The following NKAIN2 variants were observed in gnomAD, a reference collection of about 807,000 sequenced individuals.
NKAIN2 encodes sodium/potassium transporting ATPase interacting 2.
A neutral mutation model predicts 32.6 loss-of-function variants in NKAIN2; 14 were observed. That is an observed-to-expected ratio of 0.43 (90% confidence interval 0.28 to 0.67). The LOEUF (loss-of-function observed/expected upper bound fraction) is 0.67, where lower values mean the gene tolerates loss of function less well. Ranked by LOEUF, NKAIN2 falls within the 30% of genes least tolerant of loss-of-function variation. The pLI is 0.17. For synonymous variants in NKAIN2, 80 were observed against 87.2 expected (o/e 0.92, Z 0.46); for missense variants, 198 against 258.3 (o/e 0.77, Z 1.60).
intron 1 of NKAIN2, among the ~76,000 whole-genome samples, chr6:123,917,440 C>G (rs1018080731): frequency 3.3e-5 from 5 of 151,920 alleles, no homozygotes; most frequent in Non-Finnish European, 7.4e-5. Flanking sequence ...TACGTTTAGG[C>G]AAAAATGCTC....
intron 1 of NKAIN2, among the ~76,000 whole-genome samples, chr6:124,247,387 A>C (rs1458570727): frequency 6.6e-6 from 1 of 152,140 alleles, no homozygotes; most frequent in Admixed American, 6.6e-5. Context: ...TTTCACAAGA[A>C]ATGATAGTGA....
At chr6:124,376,541 A>C (rs942244598) in intron 3 of NKAIN2, among the ~76,000 whole-genome samples, 1 of 152,140 alleles carries the variant, frequency 6.6e-6, no homozygotes, top group African/African-American at 2.4e-5. Context: ...TCCCCAAGCA[A>C]ATTTAATTTG....
intron 4 of NKAIN2, among the ~76,000 whole-genome samples, chr6:124,680,689 AT>A (rs1773578501): frequency 6.6e-6 from 1 of 152,018 alleles, no homozygotes; most frequent in Non-Finnish European, 1.5e-5. Flanking sequence ...ACAGCCCAGG[AT>A]TTTTTCTTGC....
At chr6:124,133,061 A>G in intron 1 of NKAIN2, among the ~76,000 whole-genome samples, 1 of 152,210 alleles carries the variant, frequency 6.6e-6, no homozygotes, top group East Asian at 1.9e-4. Context: ...CTCTACCCCA[A>G]TAGACCAGCT....
At chr6:124,055,390 C>T (rs1035526198) in intron 1 of NKAIN2, among the ~76,000 whole-genome samples, 8 of 152,064 alleles carry the variant, frequency 5.3e-5, no homozygotes, top group African/African-American at 1.7e-4. Flanking sequence ...TTATCATAGA[C>T]TGAAAAACTG....
intron 1 of NKAIN2, among the ~76,000 whole-genome samples, chr6:124,215,037 A>C (rs561312694): frequency 6.6e-6 from 1 of 152,194 alleles, no homozygotes; most frequent in African/African-American, 2.4e-5. Flanking sequence ...CAGAAAAGAG[A>C]AATAAATCAG....
At chr6:124,282,610 A>G (rs1795351100) in intron 1 of NKAIN2, among the ~76,000 whole-genome samples, 1 of 152,206 alleles carries the variant, frequency 6.6e-6, no homozygotes, top group Non-Finnish European at 1.5e-5. Context: ...CCTTTGTTCT[A>G]TTCTCAACTT....
At chr6:124,062,283 C>A (rs1044277380) in intron 1 of NKAIN2, among the ~76,000 whole-genome samples, 1 of 152,066 alleles carries the variant, frequency 6.6e-6, no homozygotes, top group Non-Finnish European at 1.5e-5. Flanking sequence ...GTTATATAAA[C>A]CCCCAGTATA....
intron 1 of NKAIN2, among the ~76,000 whole-genome samples, chr6:124,011,203 C>T (rs1780307403): frequency 6.6e-6 from 1 of 152,128 alleles, no homozygotes; most frequent in South Asian, 2.1e-4. Flanking sequence ...CCTTCTGACT[C>T]TCTGAGTCCT....
intron 4 of NKAIN2, among the ~76,000 whole-genome samples, chr6:124,701,942 G>T (rs1774812835): frequency 6.6e-6 from 1 of 152,042 alleles, no homozygotes; most frequent in African/African-American, 2.4e-5. Context: ...GTTGGGCTGG[G>T]CATTTGTGCT....
intron 1 of NKAIN2, among the ~76,000 whole-genome samples, chr6:124,024,983 CAAAA>C (rs60803472): frequency 7.0e-6 from 1 of 142,026 alleles, no homozygotes; most frequent in East Asian, 2.1e-4. Context: ...GATTCCGTCT[CAAAA>C]AAAAAAAAGT....
chr6:124,344,661 G>C (rs9491130), intron 2 of NKAIN2, among the ~76,000 whole-genome samples: 12,416 of 152,136 alleles, frequency 0.082, 510 homozygotes, highest in African/African-American at 0.1. Context: ...AAGAATGCTT[G>C]TGATTTTTGC....
At chr6:123,978,405 A>G (rs756065019) in intron 1 of NKAIN2, among the ~76,000 whole-genome samples, 1 of 152,180 alleles carries the variant, frequency 6.6e-6, no homozygotes, top group African/African-American at 2.4e-5. Flanking sequence ...GTTGTCAATT[A>G]AATGTCATAC....
intron 3 of NKAIN2, among the ~76,000 whole-genome samples, chr6:124,616,120 C>T (rs942796688): frequency 1.3e-5 from 2 of 152,046 alleles, no homozygotes; most frequent in Middle Eastern, 3.2e-3. Context: ...CTTCTCAACA[C>T]CTGTAGTTTC....
intron 3 of NKAIN2, among the ~76,000 whole-genome samples, chr6:124,586,767 G>A (rs1781726781): frequency 6.6e-6 from 1 of 152,110 alleles, no homozygotes; most frequent in Non-Finnish European, 1.5e-5. Flanking sequence ...TTTATTTGTG[G>A]TCATCAAAAC....
At chr6:123,857,155 C>A (rs1441093328) in intron 1 of NKAIN2, among the ~76,000 whole-genome samples, 2 of 152,074 alleles carry the variant, frequency 1.3e-5, no homozygotes, top group East Asian at 3.9e-4. Flanking sequence ...CACATTTTTA[C>A]ATACAGTGTC....
At chr6:124,520,117 G>A (rs1008174567) in intron 3 of NKAIN2, among the ~76,000 whole-genome samples, 6 of 151,912 alleles carry the variant, frequency 3.9e-5, no homozygotes, top group African/African-American at 1.5e-4. Context: ...CTGTTGAGGC[G>A]GACAGATAAA....
intron 3 of NKAIN2, among the ~76,000 whole-genome samples, chr6:124,492,996 A>T (rs1777924789): frequency 6.6e-6 from 1 of 152,006 alleles, no homozygotes; most frequent in African/African-American, 2.4e-5. Flanking sequence ...TAGCCACTGT[A>T]AGCCTGTGTC....
At chr6:124,142,669 C>G (rs147755348) in intron 1 of NKAIN2, among the ~76,000 whole-genome samples, 1 of 152,056 alleles carries the variant, frequency 6.6e-6, no homozygotes. Context: ...TTAGATTTTA[C>G]GGTCCATATT....
Sources: gnomAD v4.1 joint callset for allele counts (sites outside exome capture counted in the v4.1 genomes callset) on GRCh38, gnomAD v4.1.1 for gene constraint, MANE v1.5 for transcripts, NCBI Gene and HGNC (gene_info 2026-07-23, HGNC 2026-07-21) for gene names.